ENOX1: variants seen among roughly 807,000 people sequenced by gnomAD.
ENOX1 encodes the protein candidate growth-related and time keeping constitutive hydroquinone (NADH) oxidase.
Under a neutral mutation model 82.5 loss-of-function variants are expected in ENOX1, and 42 were observed. The observed-to-expected ratio is 0.51, with a 90% confidence interval of 0.40 to 0.66. The LOEUF is 0.66. Ranked by LOEUF, ENOX1 falls within the 30% of genes least tolerant of loss-of-function variation. The pLI, the probability that ENOX1 is intolerant of heterozygous loss-of-function variation, is 0.00. For synonymous variants in ENOX1, 271 were observed against 282.2 expected, an observed-to-expected ratio of 0.96 and a Z score of 0.40; for missense variants, 608 against 811.6, an observed-to-expected ratio of 0.75 and a Z score of 3.05.
chr13:43,561,685 G>A (rs1382015524), intron 2 of ENOX1, among the ~76,000 whole-genome samples: 2 of 152,058 alleles, frequency 1.3e-5, no homozygotes, highest in Non-Finnish European at 1.5e-5. Flanking sequence ...AGGCCCAAAG[G>A]AACAGTCAAG....
intron 3 of ENOX1, among the ~76,000 whole-genome samples, chr13:43,464,994 A>G (rs1340020106): frequency 6.6e-6 from 1 of 152,214 alleles, no homozygotes; most frequent in Non-Finnish European, 1.5e-5. Context: ...TGGGAAGAAT[A>G]TCACCGAGGT....
intron 3 of ENOX1, among the ~76,000 whole-genome samples, chr13:43,445,455 A>C (rs527820155): frequency 6.6e-6 from 1 of 151,496 alleles, no homozygotes; most frequent in Admixed American, 6.6e-5. Flanking sequence ...TCTTTTTTTT[A>C]AAAAAGCCAC....
intron 2 of ENOX1, among the ~76,000 whole-genome samples, chr13:43,641,461 A>G (rs753560936): frequency 6.6e-5 from 10 of 151,174 alleles, no homozygotes; most frequent in Non-Finnish European, 1.5e-4. Context: ...TCTATAAGGA[A>G]TTGTGTGATT....
chr13:43,534,574 G>A (rs1278582466), intron 2 of ENOX1, among the ~76,000 whole-genome samples: 1 of 152,184 alleles, frequency 6.6e-6, no homozygotes, highest in African/African-American at 2.4e-5. Flanking sequence ...GTCTTCTAGG[G>A]ATTGTGGAAA....
intron 2 of ENOX1, among the ~76,000 whole-genome samples, chr13:43,571,385 A>G (rs1287183047): frequency 6.6e-6 from 1 of 152,074 alleles, no homozygotes; most frequent in Non-Finnish European, 1.5e-5. Context: ...TTGCCTTAAA[A>G]CCTTAAAAGT....
intron 2 of ENOX1, among the ~76,000 whole-genome samples, chr13:43,603,416 T>C (rs1308048914): frequency 1.3e-5 from 2 of 151,768 alleles, no homozygotes; most frequent in Non-Finnish European, 2.9e-5. Flanking sequence ...CTTTAAGTTT[T>C]AGGATACATG....
Position 43,749,555 on chromosome 13 carries a change from T to C in ENOX1, c.-285+37097A>G, listed in dbSNP as rs534307135. Among the ~76,000 whole-genome samples the C allele has an allele frequency of 1.3e-4, 20 of 152,320 alleles. 1 individual carries two copies. In the South Asian group the frequency reaches 4.1e-3, roughly 32 times the overall value. ...CAGCAAGGACAACATCAGCATCAAG[T>C]AGCAAAGATGCACCTGTTTCCCAGC... On this transcript the variant is annotated intron_variant, in intron 1 of 16. Transcript: ENST00000690772.
At chr13:43,264,739 G>C (rs1387278230) in intron 14 of ENOX1, among the ~76,000 whole-genome samples, 2 of 152,132 alleles carry the variant, frequency 1.3e-5, no homozygotes, top group African/African-American at 4.8e-5. Flanking sequence ...CATATGGAGA[G>C]GCAATGATCT....
intron 2 of ENOX1, among the ~76,000 whole-genome samples, chr13:43,486,793 C>T (rs765830476): frequency 2.2e-4 from 34 of 152,154 alleles, no homozygotes; most frequent in Non-Finnish European, 1.5e-5. Flanking sequence ...ATGTATTTCC[C>T]GCAAAGGCTG....
At chr13:43,319,949 G>C (rs1427778737) in intron 11 of ENOX1, among the ~76,000 whole-genome samples, 2 of 152,146 alleles carry the variant, frequency 1.3e-5, no homozygotes, top group Non-Finnish European at 2.9e-5. Context: ...AAAAACAAGG[G>C]ATGTGTCACC....
chr13:43,402,785 C>A (rs763078293), intron 5 of ENOX1, among the ~76,000 whole-genome samples: 5 of 152,192 alleles, frequency 3.3e-5, no homozygotes, highest in Non-Finnish European at 7.4e-5. Flanking sequence ...CATATATACA[C>A]ACACTTATAT....
At chr13:43,236,475 G>C (rs2042556736) in intron 15 of ENOX1, among the ~76,000 whole-genome samples, 161 bp downstream of exon 15, 1 of 152,174 alleles carries the variant, frequency 6.6e-6, no homozygotes. Flanking sequence ...TAGTTTGTAT[G>C]CCACTAATTT....
intron 2 of ENOX1, among the ~76,000 whole-genome samples, chr13:43,614,895 C>T (rs964441153): frequency 6.6e-6 from 1 of 152,096 alleles, no homozygotes; most frequent in Non-Finnish European, 1.5e-5. Context: ...GTATGCAGAA[C>T]CTTAGACCCC....
chr13:43,285,100 A>T (rs1474804976), intron 12 of ENOX1, among the ~76,000 whole-genome samples: 2 of 152,208 alleles, frequency 1.3e-5, no homozygotes, highest in African/African-American at 2.4e-5. Flanking sequence ...CAGATTGGGC[A>T]CTAACTTGTT....
At chr13:43,472,748 T>C (rs994035863) in intron 3 of ENOX1, among the ~76,000 whole-genome samples, 1 of 152,222 alleles carries the variant, frequency 6.6e-6, no homozygotes, top group Admixed American at 6.5e-5. Context: ...AATTGTAGCC[T>C]AATATGAGCC....
intron 2 of ENOX1, among the ~76,000 whole-genome samples, chr13:43,582,219 A>T (rs1190895855): frequency 6.6e-6 from 1 of 152,188 alleles, no homozygotes; most frequent in Non-Finnish European, 1.5e-5. Flanking sequence ...GAAGAAAAAA[A>T]TTAATAACAT....
intron 1 of ENOX1, among the ~76,000 whole-genome samples, chr13:43,672,075 C>G (rs1211220602): frequency 6.6e-6 from 1 of 152,130 alleles, no homozygotes; most frequent in Admixed American, 6.6e-5. Context: ...GAAAAGAACT[C>G]TTTAGAAACC....
intron 3 of ENOX1, among the ~76,000 whole-genome samples, chr13:43,462,017 C>T (rs2057508679): frequency 6.6e-6 from 1 of 152,106 alleles, no homozygotes. Flanking sequence ...ATAGCCAAGC[C>T]CCTTCCCTCT....
intron 1 of ENOX1, among the ~76,000 whole-genome samples, chr13:43,773,392 G>GT (rs1951751500): frequency 1.3e-5 from 2 of 152,170 alleles, no homozygotes; most frequent in Non-Finnish European, 2.9e-5. Context: ...AAACACTTCA[G>GT]TGGCTCTCCA....
Sources: allele counts gnomAD v4.1 joint callset (sites outside exome capture counted in the v4.1 genomes callset), GRCh38; gene constraint gnomAD v4.1.1; transcripts MANE v1.5; gene names NCBI Gene and HGNC (gene_info 2026-07-23, HGNC 2026-07-21).